The following SFT2D1 variants were observed in gnomAD, a reference collection of about 807,000 sequenced individuals.
The protein encoded by SFT2D1 is SFT2 domain containing 1, also known as vesicle transport protein SFT2A.
SFT2D1 carries 24 observed loss-of-function variants against 28.1 expected under a neutral mutation model. The ratio of observed to expected loss-of-function variants is 0.85; its 90% CI spans 0.62 to 1.20. The LOEUF (loss-of-function observed/expected upper bound fraction) is 1.20, where lower values mean the gene tolerates loss of function less well. Ranked by LOEUF, SFT2D1 falls within the 50% of genes most tolerant of loss-of-function variation. The pLI, the probability that SFT2D1 is intolerant of heterozygous loss-of-function variation, is 0.00. For missense variants in SFT2D1, 181 were observed against 190.9 expected (o/e 0.95, Z 0.31); for synonymous variants, 82 against 73.7 (o/e 1.11, Z -0.58).
intron 1 of SFT2D1, among the ~76,000 whole-genome samples, chr6:166,336,721 C>A (rs1778662812): frequency 6.6e-6 from 1 of 152,182 alleles, no homozygotes; most frequent in African/African-American, 2.4e-5. Context: ...AGGCACACAC[C>A]ATCACGCTCA....
chr6:166,331,283 C>A (rs898232186), intron 1 of SFT2D1: 1 of 152,570 alleles, frequency 6.6e-6, no homozygotes, highest in Non-Finnish European at 1.5e-5. Context: ...CTACCACATC[C>A]ACTTAAAAAT....
At chr6:166,337,168 T>C (rs1778671295) in intron 1 of SFT2D1, among the ~76,000 whole-genome samples, 2 of 152,170 alleles carry the variant, frequency 1.3e-5, no homozygotes, top group Non-Finnish European at 2.9e-5. Flanking sequence ...CCCACCACAC[T>C]TTTTCATGTA....
In SFT2D1 at chr6:166,320,146, TG is replaced by T; in HGVS notation, c.*70del. On this transcript the variant is annotated 3_prime_UTR_variant, in exon 8 of 8. Coordinates refer to ENST00000361731, the MANE Select transcript of SFT2D1 (RefSeq NM_145169.3). ...CGTCAGTTGTTCCTGGAGTGTTTTA[TG>T]GGGAAAAGCAAACTTCACCAAACAT... The T allele has an allele frequency of 6.8e-7, 1 of 1,471,278 alleles. No individual in the cohort carries two copies. Among genetic ancestry groups the T allele is most frequent in the African/African-American group, 1.4e-5 (1 of 71,970 alleles). 91.1% of individuals were successfully genotyped at this position (1,471,278 alleles called of 1,614,324 possible).
intron 3 of SFT2D1, 120 bp downstream of exon 3, chr6:166,329,387 T>A (rs1167585796): frequency 2.7e-6 from 2 of 741,772 alleles, no homozygotes; most frequent in African/African-American, 1.7e-5. Context: ...TGAATGTAAA[T>A]CCTGTGGCTG....
In SFT2D1 at chr6:166,342,442, C is replaced by T. The variant is rs1778804200; in HGVS notation, c.40G>A (p.Glu14Lys). 2 of 1,560,676 alleles carry T rather than the reference C, an allele frequency of 1.3e-6. No homozygotes were observed. The highest frequency in any genetic ancestry group is 1.7e-6 in the Non-Finnish European group (2 of 1,153,134). ...ACCTGCGCAGTCAGGCCCTGCTCCT[C>T]GTCGTCCTGGCCGCTCAGGACTCGC... ...LRRVLSGQDD[E>K]EQGLTAQVLD... Residue 14 changes from glutamate to lysine, a missense_variant, in exon 1 of 8, where the codon GAG (glutamate) becomes AAG (lysine). Glu to Lys is a moderately conservative substitution (Grantham distance 56). Coordinates refer to ENST00000361731, the MANE Select transcript of SFT2D1 (RefSeq NM_145169.3).
At chr6:166,321,035 T>C (rs978579405) in intron 7 of SFT2D1, among the ~76,000 whole-genome samples, 1 of 151,816 alleles carries the variant, frequency 6.6e-6, no homozygotes, top group African/African-American at 2.4e-5. Flanking sequence ...CTCTTGAACT[T>C]GGGAGGTGGA....
intron 4 of SFT2D1, among the ~76,000 whole-genome samples, chr6:166,327,622 C>A (rs1420442761): frequency 1.3e-5 from 2 of 152,176 alleles, no homozygotes; most frequent in African/African-American, 4.8e-5. Context: ...CTAAAGGGTA[C>A]AAACTAACAA....
intron 7 of SFT2D1, 56 bp from the exon 8 acceptor site, chr6:166,320,312 G>T (rs1778326880): frequency 1.4e-6 from 2 of 1,457,442 alleles, no homozygotes; most frequent in Non-Finnish European, 1.9e-6. Flanking sequence ...AAGCAAAGTT[G>T]CGCAAAATGT....
intron 3 of SFT2D1, 41 bp downstream of exon 3, chr6:166,329,466 G>T (rs1430831113): frequency 6.4e-7 from 1 of 1,559,794 alleles, no homozygotes; most frequent in South Asian, 1.1e-5. Flanking sequence ...GGTAAATTTG[G>T]TAGCAAGAGC....
rs1015102161 is a variant in SFT2D1, at chr6:166,320,275, A to G, written c.441-19T>C. On this transcript the variant is annotated intron_variant, in intron 7 of 7. Coordinates refer to ENST00000361731, the MANE Select transcript of SFT2D1 (RefSeq NM_145169.3). Reference sequence around the variant, plus strand: ...TGCATCCCTGGTGGAAAAGAGAGGGAAAAAAACAGAATATAATATTCCTCA... The same window carrying G: ...TGCATCCCTGGTGGAAAAGAGAGGGGAAAAAACAGAATATAATATTCCTCA... 6.2e-7 allele frequency: 1 copy of G among 1,603,364 alleles called. No individual in the cohort carries two copies. The highest frequency in any genetic ancestry group is 8.5e-7 in the Non-Finnish European group (1 of 1,173,774).
chr6:166,336,425 T>A (rs978283721), intron 1 of SFT2D1, among the ~76,000 whole-genome samples: 1 of 152,216 alleles, frequency 6.6e-6, no homozygotes, highest in Non-Finnish European at 1.5e-5. Context: ...ATGAAGCTTG[T>A]GTATCATCCA....
At chr6:166,336,683 C>CCG (rs2114911521) in intron 1 of SFT2D1, among the ~76,000 whole-genome samples, 1 of 152,294 alleles carries the variant, frequency 6.6e-6, no homozygotes, top group African/African-American at 2.4e-5. Flanking sequence ...AATCCTCCCA[C>CCG]CGCAGCCTCC....
intron 7 of SFT2D1, among the ~76,000 whole-genome samples, chr6:166,320,508 A>G (rs1442510364): frequency 6.6e-6 from 1 of 152,134 alleles, no homozygotes; most frequent in Non-Finnish European, 1.5e-5. Context: ...AATCAAAGAA[A>G]TAAGTTTAAA....
intron 1 of SFT2D1, among the ~76,000 whole-genome samples, chr6:166,335,936 T>A (rs1184742246): frequency 1.3e-5 from 2 of 152,240 alleles, no homozygotes; most frequent in Admixed American, 1.3e-4. Context: ...CAGGACTGTA[T>A]TTGTGACTAA....
chr6:166,329,682 T>C, intron 2 of SFT2D1, 93 bp from the exon 3 acceptor site: 1 of 939,680 alleles, frequency 1.1e-6, no homozygotes, highest in Non-Finnish European at 1.6e-6. Context: ...ATACCAATAT[T>C]ATGTAATATG....
chr6:166,322,154 A>G (rs1380744035), intron 7 of SFT2D1, among the ~76,000 whole-genome samples: 1 of 152,126 alleles, frequency 6.6e-6, no homozygotes, highest in East Asian at 1.9e-4. Flanking sequence ...AAGTGCTAGG[A>G]TTACAGGTGT....
At chr6:166,336,039 T>C (rs1778643897) in intron 1 of SFT2D1, among the ~76,000 whole-genome samples, 1 of 152,276 alleles carries the variant, frequency 6.6e-6, no homozygotes, top group Non-Finnish European at 1.5e-5. Context: ...TTTGCACTCA[T>C]GCTGTTGATT....
At chr6:166,325,719 G>A (rs919934010) in intron 5 of SFT2D1, among the ~76,000 whole-genome samples, 2 of 152,262 alleles carry the variant, frequency 1.3e-5, no homozygotes, top group Non-Finnish European at 2.9e-5. Flanking sequence ...AGGCCCACAA[G>A]CAGGTGAGCT....
chr6:166,335,159 G>A (rs989633276), intron 1 of SFT2D1: 16 of 616,972 alleles, frequency 2.6e-5, no homozygotes, highest in African/African-American at 2.2e-4. Context: ...CAAAGAGGTC[G>A]AAGTGCTTCT....
Sources: allele counts gnomAD v4.1 joint callset (sites outside exome capture counted in the v4.1 genomes callset), GRCh38; gene constraint gnomAD v4.1.1; transcripts MANE v1.5; gene names NCBI Gene and HGNC (gene_info 2026-07-23, HGNC 2026-07-21).